Variants in ATRNL1 observed in about 807,000 individuals in gnomAD.
ATRNL1 encodes the protein attractin-like protein 1.
ATRNL1 carries 95 observed loss-of-function variants against 182.7 expected under a neutral mutation model. That is an observed-to-expected ratio of 0.52 (90% CI 0.44 to 0.62). ATRNL1 has a LOEUF of 0.62. ATRNL1 is among the 20% of genes least tolerant of loss of function. ATRNL1 has a pLI of 0.00. For missense variants in ATRNL1, 1,471 were observed against 1,679.5 expected (o/e 0.88, Z 2.17); for synonymous variants, 576 against 568.3 (o/e 1.01, Z -0.19).
At chr10:115,713,050 A>G (rs1947111686) in intron 26 of ATRNL1, among the ~76,000 whole-genome samples, 1 of 152,070 alleles carries the variant, frequency 6.6e-6, no homozygotes, top group Non-Finnish European at 1.5e-5. Flanking sequence ...GACTAACTAG[A>G]GGCATTTCAA....
intron 1 of ATRNL1, among the ~76,000 whole-genome samples, chr10:115,113,012 T>C (rs1844324299): frequency 6.6e-6 from 1 of 152,180 alleles, no homozygotes; most frequent in South Asian, 2.1e-4. Context: ...CTTGGAAGAA[T>C]TGTAACAGGT....
At chr10:115,135,831 C>A (rs1295857513) in intron 5 of ATRNL1, among the ~76,000 whole-genome samples, 1 of 152,002 alleles carries the variant, frequency 6.6e-6, no homozygotes, top group East Asian at 1.9e-4. Flanking sequence ...GCTTAACCTA[C>A]CTGGTCTTGT....
intron 26 of ATRNL1, among the ~76,000 whole-genome samples, chr10:115,699,312 A>G (rs1243822049): frequency 2.6e-5 from 4 of 152,188 alleles, no homozygotes; most frequent in Non-Finnish European, 5.9e-5. Context: ...TGGAAAAGCA[A>G]AGTATCAAGA....
At chr10:115,288,023 C>T (rs1554919650) in intron 15 of ATRNL1, among the ~76,000 whole-genome samples, 1 of 151,122 alleles carries the variant, frequency 6.6e-6, no homozygotes, top group Non-Finnish European at 1.5e-5. Context: ...AAAATGTCCT[C>T]CACTTCCATC....
At chr10:115,497,352 T>C (rs1452366049) in intron 24 of ATRNL1, among the ~76,000 whole-genome samples, 1 of 152,192 alleles carries the variant, frequency 6.6e-6, no homozygotes, top group Non-Finnish European at 1.5e-5. Context: ...GGGATCTAAG[T>C]GCAGAGTGCA....
chr10:115,552,439 C>G (rs1554995773), intron 26 of ATRNL1, among the ~76,000 whole-genome samples: 1 of 151,310 alleles, frequency 6.6e-6, no homozygotes, highest in Non-Finnish European at 1.5e-5. Flanking sequence ...TTATCTGTTA[C>G]AGTAAATGAA....
chr10:115,654,633 C>G (rs1593015569), intron 26 of ATRNL1, among the ~76,000 whole-genome samples: 2 of 152,268 alleles, frequency 1.3e-5, no homozygotes, highest in South Asian at 2.1e-4. Context: ...AAGTAAGACA[C>G]TGTGTTTTAT....
chr10:115,853,550 C>A (rs1308856915), intron 28 of ATRNL1, among the ~76,000 whole-genome samples: 1 of 152,138 alleles, frequency 6.6e-6, no homozygotes, highest in Non-Finnish European at 1.5e-5. Flanking sequence ...TTCCTTCACA[C>A]TTTGTTTTTC....
intron 26 of ATRNL1, among the ~76,000 whole-genome samples, chr10:115,670,534 C>T (rs567113677): frequency 6.6e-6 from 1 of 152,176 alleles, no homozygotes; most frequent in East Asian, 1.9e-4. Context: ...TGTCTCTAGT[C>T]TTAAAGACTC....
At chr10:115,415,917 T>A (rs1845366497) in intron 20 of ATRNL1, among the ~76,000 whole-genome samples, 1 of 152,046 alleles carries the variant, frequency 6.6e-6, no homozygotes, top group African/African-American at 2.4e-5. Context: ...TTTGGTCTAT[T>A]TATGTGCTAG....
chr10:115,877,829 C>A (rs1449068639), intron 28 of ATRNL1, among the ~76,000 whole-genome samples: 2 of 152,172 alleles, frequency 1.3e-5, no homozygotes, highest in African/African-American at 2.4e-5. Context: ...ATATTTTATT[C>A]ATTTATTCAA....
intron 26 of ATRNL1, among the ~76,000 whole-genome samples, chr10:115,553,183 T>C (rs1554996029): frequency 6.6e-6 from 1 of 151,302 alleles, no homozygotes; most frequent in Non-Finnish European, 1.5e-5. Flanking sequence ...TGTGAAAATA[T>C]GATGCATATT....
At chr10:115,190,477 G>A (rs1235886178) in intron 8 of ATRNL1, among the ~76,000 whole-genome samples, 6 of 151,838 alleles carry the variant, frequency 4.0e-5, no homozygotes, top group African/African-American at 1.5e-4. Flanking sequence ...TGCCTTAAAA[G>A]GCAGCCATTC....
At chr10:115,844,986 T>G (rs80231359) in intron 27 of ATRNL1, among the ~76,000 whole-genome samples, 8,897 of 152,078 alleles carry the variant, frequency 0.059, 762 homozygotes, top group African/African-American at 0.19. Flanking sequence ...GTTGTAAAAT[T>G]CAAGTGCTAT....
chr10:115,424,317 T>C (rs1554962480), intron 20 of ATRNL1, among the ~76,000 whole-genome samples: 1 of 152,200 alleles, frequency 6.6e-6, no homozygotes, highest in African/African-American at 2.4e-5. Flanking sequence ...GAGGATCTTC[T>C]ATCCACCGTT....
chr10:115,662,259 A>G (rs1163134155), intron 26 of ATRNL1, among the ~76,000 whole-genome samples: 1 of 152,108 alleles, frequency 6.6e-6, no homozygotes, highest in African/African-American at 2.4e-5. Flanking sequence ...GTGTCTTTAT[A>G]GATACCATCT....
At chr10:115,538,977 G>T (rs1554991235) in intron 25 of ATRNL1, among the ~76,000 whole-genome samples, 1 of 152,106 alleles carries the variant, frequency 6.6e-6, no homozygotes, top group East Asian at 1.9e-4. Context: ...TGCTATATAG[G>T]TTTGTACCCT....
chr10:115,846,094 A>C (rs1341401186), intron 27 of ATRNL1, among the ~76,000 whole-genome samples: 1 of 152,126 alleles, frequency 6.6e-6, no homozygotes, highest in Non-Finnish European at 1.5e-5. Context: ...AGTCTGTTAA[A>C]TTAAATGTAA....
At chr10:115,346,123 A>G (rs1281272819) in intron 19 of ATRNL1, among the ~76,000 whole-genome samples, 1 of 152,228 alleles carries the variant, frequency 6.6e-6, no homozygotes, top group Non-Finnish European at 1.5e-5. Flanking sequence ...AAAGTTTACC[A>G]TTTTAAACAT....
Sources: gnomAD v4.1 joint callset for allele counts (sites outside exome capture counted in the v4.1 genomes callset) on GRCh38, gnomAD v4.1.1 for gene constraint, MANE v1.5 for transcripts, NCBI Gene and HGNC (gene_info 2026-07-23, HGNC 2026-07-21) for gene names.